The following ITGA10 variants were observed in gnomAD, a reference collection of about 807,000 sequenced individuals.
The protein encoded by ITGA10 is integrin alpha-10.
In ITGA10, 105 loss-of-function variants were observed where a neutral mutation model predicts 145.2. The ratio of observed to expected loss-of-function variants is 0.72; its 90% CI spans 0.62 to 0.85. ITGA10 has a LOEUF of 0.85. ITGA10 is among the 40% of genes least tolerant of loss of function. The pLI, the probability that ITGA10 is intolerant of heterozygous loss-of-function variation, is 0.00. For synonymous variants in ITGA10, 506 were observed against 557.8 expected (o/e 0.91, Z 1.31); for missense variants, 1,317 against 1,444.5 (o/e 0.91, Z 1.43).
chr1:145,894,257 G>A (rs1040390292), intron 27 of ITGA10, among the ~76,000 whole-genome samples: 2 of 151,266 alleles, frequency 1.3e-5, no homozygotes, highest in Non-Finnish European at 2.9e-5. Context: ...GACTATAGGC[G>A]CCTGCCACCA....
rs1553748798 is a variant in ITGA10, at chr1:145,901,907, G to C, written c.1264C>G (p.Pro422Ala). Residue 422 changes from proline to alanine, a missense_variant, in exon 11 of 30, where the codon CCT (proline) becomes GCT (alanine). Physicochemically the swap from Pro to Ala is conservative, Grantham distance 27. Transcript: ENST00000369304. The surrounding 1 kb of genome is among the most constrained non-coding windows in gnomAD (Gnocchi z 4.3). Reference sequence around the variant, plus strand: ...TAGGCTGCATGGTTCTGCAATGCAGGGGGGAACTCGTCTTCCAGTGCCATT... The same window carrying C: ...TAGGCTGCATGGTTCTGCAATGCAGCGGGGAACTCGTCTTCCAGTGCCATT... ...PRMALEDEFP[P>A]ALQNHAAYLG... 15 of 1,613,994 alleles carry C rather than the reference G, an allele frequency of 9.3e-6. No individual in the cohort carries two copies. The highest frequency in any genetic ancestry group is 1.3e-5 in the Non-Finnish European group (15 of 1,180,024).
At position 145,901,463 on chromosome 1, in the gene ITGA10, A is replaced by G. The variant is rs1383763200; in HGVS notation, c.1443+53T>C. Reference sequence around the variant, plus strand: ...TACCCACTTCACACTCCTCCCCAACAGCCCAGAGGTCCCTGGGAATCCAAA... The same window carrying G: ...TACCCACTTCACACTCCTCCCCAACGGCCCAGAGGTCCCTGGGAATCCAAA... On this transcript the variant is annotated intron_variant, in intron 12 of 29. Coordinates refer to ENST00000369304, the MANE Select transcript of ITGA10 (RefSeq NM_003637.5). The surrounding 1 kb of genome is among the most constrained non-coding windows in gnomAD (Gnocchi z 4.3). 16 of 1,518,236 alleles carry G rather than the reference A, an allele frequency of 1.1e-5. No individual in the cohort carries two copies. Among genetic ancestry groups the G allele is most frequent in the Non-Finnish European group, 1.3e-5 (15 of 1,132,700 alleles). 94.0% of individuals were successfully genotyped at this position (1,518,236 alleles called of 1,614,324 possible). A position where few individuals can be genotyped will look rare whatever the true frequency, so the allele number is the denominator to read the frequency against.
rs781903418 is a variant in ITGA10 at position 145,898,120 on chromosome 1, A to G, written c.2336T>C (p.Ile779Thr). 14 of 1,612,848 alleles carry G rather than the reference A, an allele frequency of 8.7e-6. No homozygotes were observed. In the Admixed American group the frequency reaches 2.0e-4, roughly 23 times the overall value. ...PVLNEGSPTS[I>T]QKLVPFSKDC... ...CATGGCACTGCTGACCAGCTTTTGT[A>G]TAGAGGTGGGTGAGCCCTCATTCAG... The change falls in exon 18 of 30, where the codon ATA (isoleucine) becomes ACA (threonine). Residue 779 changes from isoleucine (I) to threonine (T), a missense_variant. By Grantham distance (89) the Ile-to-Thr change is moderately conservative. Coordinates refer to ENST00000369304, the MANE Select transcript of ITGA10 (RefSeq NM_003637.5).
intron 27 of ITGA10, 87 bp from the exon 28 acceptor site, chr1:145,893,722 C>T: frequency 1.0e-6 from 1 of 993,254 alleles, no homozygotes; most frequent in South Asian, 1.4e-5. Flanking sequence ...AAAGTTGAGG[C>T]TGAGAGGCAT....
At chr1:145,909,493 T>TA in intron 1 of ITGA10, among the ~76,000 whole-genome samples, 1 of 103,216 alleles carries the variant, frequency 9.7e-6, no homozygotes, top group Admixed American at 1.1e-4. Context: ...TTATATATAA[T>TA]ATATAATTAT....
At chr1:145,894,776 G>A (rs1407958817) in intron 27 of ITGA10, among the ~76,000 whole-genome samples, 3 of 152,188 alleles carry the variant, frequency 2.0e-5, no homozygotes, top group African/African-American at 7.2e-5. Context: ...AATCCTGCAT[G>A]TAATATCAAT....
intron 5 of ITGA10, chr1:145,905,979 G>A (rs1162375890): frequency 2.2e-5 from 4 of 182,018 alleles, no homozygotes; most frequent in Admixed American, 1.6e-4. Context: ...GAGTGCAGAG[G>A]CACAATCTTG....
At chr1:145,893,137 A>G in intron 29 of ITGA10, 24 bp downstream of exon 29, 1 of 1,517,398 alleles carries the variant, frequency 6.6e-7, no homozygotes, top group Non-Finnish European at 9.2e-7. Flanking sequence ...CATGCTCCAC[A>G]CTCCCCACTA....
chr1:145,898,819 A>G, intron 17 of ITGA10, 117 bp downstream of exon 17: 15 of 1,198,848 alleles, frequency 1.3e-5, no homozygotes, highest in Non-Finnish European at 1.6e-5. Flanking sequence ...CAAAGTCTGA[A>G]TCATCTCATT....
Position 145,903,068 on chromosome 1 carries a change from G to A in ITGA10, c.759-107C>T, listed in dbSNP as rs1229168916. The A allele has an allele frequency of 3.3e-5, 28 of 855,804 alleles. No individual in the cohort carries two copies. In the South Asian group the frequency reaches 5.8e-4, roughly 18 times the overall value. The allele number at this position is 855,804 out of a possible 1,614,324, so 53.0% of individuals were successfully genotyped here. ...ACACACACACACACACACACACACA[G>A]GATTTAACATCAGCACTTCCCTGAG... On this transcript the variant is annotated intron_variant, in intron 7 of 29. Coordinates refer to ENST00000369304, the MANE Select transcript of ITGA10 (RefSeq NM_003637.5).
intron 4 of ITGA10, 23 bp downstream of exon 4, chr1:145,906,710 C>T: frequency 6.4e-7 from 1 of 1,558,234 alleles, no homozygotes; most frequent in Non-Finnish European, 8.9e-7. Context: ...AGAGACACTG[C>T]CACCACCCTC....
chr1:145,896,864 G>C lies in ITGA10; in HGVS notation c.2745-6C>G. ...CATTTCTCTCCAGGCTGTCACTGTA[G>C]GGTCAGAGGGGAGAGGCTCACATCT... On this transcript the variant is annotated splice_polypyrimidine_tract_variant and splice_region_variant and intron_variant, in intron 22 of 29. Coordinates refer to ENST00000369304, the MANE Select transcript of ITGA10 (RefSeq NM_003637.5). The C allele has an allele frequency of 6.2e-7, 1 of 1,610,562 alleles. No individual in the cohort carries two copies. Among genetic ancestry groups the C allele is most frequent in the East Asian group, 2.2e-5 (1 of 44,868 alleles).
chr1:145,902,303 G>T lies in ITGA10; in HGVS notation c.1092C>A (p.Asn364Lys). 6.2e-7 allele frequency: 1 copy of T among 1,614,132 alleles called. No homozygotes were observed. Among genetic ancestry groups the T allele is most frequent in the East Asian group, 2.2e-5 (1 of 44,884 alleles). The change falls in exon 10 of 30, where the codon AAC becomes AAA. Residue 364 changes from asparagine to lysine, a missense_variant. Coordinates refer to ENST00000369304, the MANE Select transcript of ITGA10 (RefSeq NM_003637.5). Reference protein sequence around the residue: ...IFGLEGSHAENESSFGLEMSQ... With the variant: ...IFGLEGSHAEKESSFGLEMSQ... ...ACATTTCCAGCCCAAAGGAGCTTTC[G>T]TTTTCTGCATGGGACCCTTGGTCAT... is the stretch of plus-strand genomic sequence containing the variant.
Position 145,899,215 on chromosome 1 carries a change from T to C in ITGA10, c.2049A>G (p.Gln683=), listed in dbSNP as rs1384983772. ...AGCGACCAGGAGTACGGGAGGTCACTTGGAAGCAAAGGGCTGCAGTCAGAC... is the reference window on the plus strand; with the variant it reads ...AGCGACCAGGAGTACGGGAGGTCACCTGGAAGCAAAGGGCTGCAGTCAGAC... ...AVCLTAALCF[Q]VTSRTPGRWD... is the part of the protein sequence containing the mutation. Residue 683 remains glutamine (Q), a synonymous_variant, in exon 16 of 30, where the codon CAA becomes CAG. Transcript: ENST00000369304. 11 of 1,614,076 alleles carry C rather than the reference T, an allele frequency of 6.8e-6. No individual in the cohort carries two copies. Among genetic ancestry groups the C allele is most frequent in the Non-Finnish European group, 9.3e-6 (11 of 1,180,046 alleles).
At position 145,897,032 on chromosome 1, in the gene ITGA10, A is replaced by G; in HGVS notation, c.2723T>C (p.Phe908Ser). Reference sequence around the variant, plus strand: ...TCACCTGCTGGCAGTCAGCTTCACGAAGACCTGGCTCAGGAGAGAGGAGCA... The same window carrying G: ...TCACCTGCTGGCAGTCAGCTTCACGGAGACCTGGCTCAGGAGAGAGGAGCA... Reference protein sequence around the residue: ...FSCSSLLSQVFVKLTASSDSL... With the variant: ...FSCSSLLSQVSVKLTASSDSL... Residue 908 changes from phenylalanine (F) to serine (S), a missense_variant, in exon 22 of 30, where the codon TTC (phenylalanine) becomes TCC (serine). Transcript: ENST00000369304. The G allele has an allele frequency of 6.2e-7, 1 of 1,614,112 alleles. No homozygotes were observed. Among genetic ancestry groups the G allele is most frequent in the Non-Finnish European group, 8.5e-7 (1 of 1,179,978 alleles).
intron 6 of ITGA10, 60 bp downstream of exon 6, chr1:145,904,624 C>G: frequency 6.3e-7 from 1 of 1,590,876 alleles, no homozygotes; most frequent in Non-Finnish European, 8.6e-7. Context: ...ATCCTCCCAC[C>G]TCCACCTCTT....
intron 15 of ITGA10, 41 bp downstream of exon 15, chr1:145,900,016 A>C: frequency 6.3e-7 from 1 of 1,590,688 alleles, no homozygotes; most frequent in Non-Finnish European, 8.5e-7. Flanking sequence ...TTTAACAGCT[A>C]TGCTATGCTG....
chr1:145,895,260 C>G lies in ITGA10; in HGVS notation c.3228+20G>C, dbSNP rs16827006. The G allele has an allele frequency of 0.013, 19,457 of 1,547,294 alleles. 1,572 individuals are homozygous for G. In the African/African-American group the frequency reaches 0.2, roughly 16 times the overall value. On this transcript the variant is annotated intron_variant, in intron 27 of 29. Transcript: ENST00000369304. Reference sequence around the variant, plus strand: ...CAGAAAGGAGCAGAAGTGGGGAGTACTAGAAAAGGAAAGGCTTACTCTTCG... The same window carrying G: ...CAGAAAGGAGCAGAAGTGGGGAGTAGTAGAAAAGGAAAGGCTTACTCTTCG...
At chr1:145,895,938 C>T (rs1655334579) in intron 25 of ITGA10, 45 bp downstream of exon 25, 1 of 1,459,618 alleles carries the variant, frequency 6.9e-7, no homozygotes, top group Non-Finnish European at 9.6e-7. Context: ...GTGAGTCCAC[C>T]AGCTCAAGGT....
Sources: gnomAD v4.1 joint callset for allele counts (sites outside exome capture counted in the v4.1 genomes callset) on GRCh38, gnomAD v4.1.1 for gene constraint, Gnocchi (gnomAD v3.1) non-coding constraint, MANE v1.5 for transcripts, NCBI Gene and HGNC (gene_info 2026-07-23, HGNC 2026-07-21) for gene names.